Variants in DNAH12 observed in about 807,000 individuals in gnomAD.
DNAH12 encodes dynein axonemal heavy chain 12.
Under a neutral mutation model 371.5 loss-of-function variants are expected in DNAH12, and 285 were observed. The observed-to-expected ratio is 0.77, with a 90% CI of 0.70 to 0.85. DNAH12 has a LOEUF of 0.85. Among genes scored for constraint, DNAH12 ranks in the 40% least tolerant of loss-of-function variants. The pLI is 0.00. For synonymous variants in DNAH12, 1,200 were observed against 1,213.0 expected, an observed-to-expected ratio of 0.99 and a Z score of 0.22; for missense variants, 3,611 against 3,689.4, an observed-to-expected ratio of 0.98 and a Z score of 0.55.
intron 11 of DNAH12, chr3:57,498,239 A>G: frequency 2.4e-6 from 1 of 420,320 alleles, no homozygotes; most frequent in Non-Finnish European, 4.2e-6. Context: ...AAAGGTTGAA[A>G]AGGATGTGGA....
intron 2 of DNAH12, among the ~76,000 whole-genome samples, chr3:57,537,398 A>T (rs1339889053): frequency 6.6e-6 from 1 of 152,148 alleles, no homozygotes; most frequent in Non-Finnish European, 1.5e-5. Context: ...GACTCTGGAA[A>T]GCTACAAAAT....
rs551624276 is a variant in DNAH12 at position 57,330,134 on chromosome 3, C to T, written c.9978+4331G>A. Among the ~76,000 whole-genome samples, 797 of 151,844 alleles carry T rather than the reference C, an allele frequency of 5.2e-3. 10 individuals are homozygous for T. Among genetic ancestry groups the T allele is most frequent in the African/African-American group, 0.019 (774 of 41,152 alleles). On this transcript the variant is annotated intron_variant, in intron 62 of 73. Transcript: ENST00000495027. ...TTGGTGGGACTGTAAACTAGTTCAA[C>T]CATTGTGGAAGTCAGTATGGTGATT...
At chr3:57,314,420 T>G (rs2107686615) in intron 66 of DNAH12, 74 bp downstream of exon 66, 1 of 1,531,316 alleles carries the variant, frequency 6.5e-7, no homozygotes, top group Non-Finnish European at 8.8e-7. Context: ...GAATCAGCTA[T>G]TCCAAGCAAA....
At chr3:57,418,997 G>A (rs144783255) in intron 37 of DNAH12, among the ~76,000 whole-genome samples, 3,615 of 152,280 alleles carry the variant, frequency 0.024, 69 homozygotes, top group Admixed American at 0.035. Context: ...GGTGAAAAAT[G>A]CTAAATGTAA....
intron 69 of DNAH12, among the ~76,000 whole-genome samples, chr3:57,302,568 T>TA (rs1491312065): frequency 6.2e-5 from 3 of 48,592 alleles, no homozygotes; most frequent in South Asian, 8.1e-4. Context: ...TATATATGTA[T>TA]TTTTTTTTTT....
At chr3:57,468,487 C>T (rs897736417) in intron 17 of DNAH12, among the ~76,000 whole-genome samples, 5 of 152,024 alleles carry the variant, frequency 3.3e-5, no homozygotes, top group African/African-American at 1.2e-4. Flanking sequence ...TGGTGGTACA[C>T]ACCTGTAGCA....
intron 52 of DNAH12, among the ~76,000 whole-genome samples, chr3:57,377,509 G>A (rs1437156657): frequency 1.3e-5 from 2 of 151,942 alleles, no homozygotes; most frequent in African/African-American, 4.8e-5. Context: ...TCAAAATAAT[G>A]AGAAGGTGTC....
intron 11 of DNAH12, chr3:57,498,560 T>A: frequency 1.4e-6 from 1 of 717,062 alleles, no homozygotes; most frequent in Non-Finnish European, 2.6e-6. Context: ...AATGAAAGCA[T>A]ATGTCCGCAC....
chr3:57,413,321 T>G lies in DNAH12; in HGVS notation c.6020+425A>C, dbSNP rs530811588. On this transcript the variant is annotated intron_variant, in intron 39 of 73. Coordinates refer to ENST00000495027, the MANE Select transcript of DNAH12 (RefSeq NM_001366028.2). ...AGGAATGAAAAGAGAACACAGAGGA[T>G]CTTTACAGCAGTGAAAATTCTCTGT... 5.3e-5 allele frequency among the ~76,000 whole-genome samples: 8 copies of G among 152,224 alleles called. No homozygotes were observed. The South Asian group carries it at 1.5e-3, about 28-fold the overall frequency.
At chr3:57,398,203 G>C (rs1468860546) in intron 43 of DNAH12, among the ~76,000 whole-genome samples, 2 of 152,054 alleles carry the variant, frequency 1.3e-5, no homozygotes, top group African/African-American at 4.8e-5. Context: ...CAACCAACTT[G>C]AAAACAAGTC....
At chr3:57,393,294 T>C (rs981017529) in intron 44 of DNAH12, among the ~76,000 whole-genome samples, 1 of 152,126 alleles carries the variant, frequency 6.6e-6, no homozygotes, top group South Asian at 2.1e-4. Flanking sequence ...AAAGTGATTA[T>C]GGTAATGAGA....
intron 73 of DNAH12, 37 bp downstream of exon 73, chr3:57,295,488 C>T (rs1230810970): frequency 6.5e-7 from 1 of 1,532,884 alleles, no homozygotes; most frequent in Non-Finnish European, 8.8e-7. Context: ...CTTATTCTCC[C>T]TAAACTTCAA....
In DNAH12 at chr3:57,394,236, T is replaced by C. The variant is rs2063691865; in HGVS notation, c.7045A>G (p.Ser2349Gly). The C allele has an allele frequency of 6.6e-6, 1 of 152,216 alleles. No homozygotes were observed. The highest frequency in any genetic ancestry group is 1.5e-5 in the Non-Finnish European group (1 of 68,032). 9.4% of individuals were successfully genotyped at this position (152,216 alleles called of 1,614,324 possible). Residue 2349 changes from serine to glycine, a missense_variant, in exon 44 of 74, where the codon AGT becomes GGT. Transcript: ENST00000495027. ...KEEAFLEDID[S>G]VLNTGEVPNI... Reference sequence around the variant, plus strand: ...GGCACTTCTCCTGTATTGAGCACACTGTCGATATCCTCTAGGAAAGCTTCC... The same window carrying C: ...GGCACTTCTCCTGTATTGAGCACACCGTCGATATCCTCTAGGAAAGCTTCC...
chr3:57,473,411 AGGAGG>A (rs2153381168), intron 13 of DNAH12, among the ~76,000 whole-genome samples: 2 of 151,908 alleles, frequency 1.3e-5, no homozygotes, highest in East Asian at 3.9e-4. Context: ...GCTTGAACCC[AGGAGG>A]TGGAGGTTGC....
At chr3:57,364,720 T>A (rs1182094025) in intron 57 of DNAH12, among the ~76,000 whole-genome samples, 1 of 152,150 alleles carries the variant, frequency 6.6e-6, no homozygotes, top group Non-Finnish European at 1.5e-5. Flanking sequence ...TCAATCCACC[T>A]GACAAAGGTC....
chr3:57,545,902 AG>A (rs1369717222), upstream of DNAH12, among the ~76,000 whole-genome samples: 2 of 152,122 alleles, frequency 1.3e-5, no homozygotes, highest in Non-Finnish European at 2.9e-5. Flanking sequence ...GGGAAAAAAA[AG>A]TTTATTTTCC....
At chr3:57,302,539 A>T (rs1334037290) in intron 69 of DNAH12, among the ~76,000 whole-genome samples, 3 of 75,142 alleles carry the variant, frequency 4.0e-5, no homozygotes, top group Non-Finnish European at 7.4e-5. Context: ...GTATATATAT[A>T]TATATATATA....
chr3:57,418,142 CGCAA>C (rs1216254740), intron 37 of DNAH12, among the ~76,000 whole-genome samples: 4 of 147,502 alleles, frequency 2.7e-5, no homozygotes, highest in East Asian at 3.9e-4. Context: ...GGAGACAGAG[CGCAA>C]GCGACTTGTC....
intron 60 of DNAH12, among the ~76,000 whole-genome samples, chr3:57,337,792 C>T (rs567293648): frequency 1.3e-5 from 2 of 152,096 alleles, no homozygotes; most frequent in African/African-American, 4.8e-5. Context: ...ACTTCAACAC[C>T]CTACTCTTAG....
Sources: gnomAD v4.1 joint callset for allele counts (sites outside exome capture counted in the v4.1 genomes callset) on GRCh38, gnomAD v4.1.1 for gene constraint, MANE v1.5 for transcripts, NCBI Gene and HGNC (gene_info 2026-07-23, HGNC 2026-07-21) for gene names.